Variants in RACGAP1 observed in about 807,000 individuals in gnomAD.
The protein encoded by RACGAP1 is Rac GTPase activating protein 1.
RACGAP1 carries 30 observed loss-of-function variants against 78.1 expected under a neutral mutation model. The observed-to-expected ratio is 0.38, with a 90% CI of 0.29 to 0.52. The LOEUF (loss-of-function observed/expected upper bound fraction) is 0.52. Ranked by LOEUF, RACGAP1 falls within the 20% of genes least tolerant of loss-of-function variation. RACGAP1 has a pLI of 0.82. For synonymous variants in RACGAP1, 231 were observed against 264.8 expected, an observed-to-expected ratio of 0.87 and a Z score of 1.24; for missense variants, 587 against 777.1, an observed-to-expected ratio of 0.76 and a Z score of 2.91.
chr12:50,009,512 C>G (rs1949180625), intron 2 of RACGAP1, among the ~76,000 whole-genome samples: 1 of 151,958 alleles, frequency 6.6e-6, no homozygotes, highest in South Asian at 2.1e-4. Context: ...CAGGCTCTTC[C>G]ATTTGCCTTC....
rs1214453438 is a variant in RACGAP1, at chr12:49,994,276, C to G, written c.1194G>C (p.Glu398Asp). ...GTACAGTTTTCACTCTGAGGAATTT[C>G]TCTTTCAGCTCTTTTACTGTGCGGT... The part of the protein sequence containing the change: ...GCDRTVKELK[E>D]KFLRVKTVPL... Residue 398 changes from glutamate (E) to aspartate (D), a missense_variant, in exon 12 of 17, where the codon GAG (glutamate) becomes GAC (aspartate). Coordinates refer to ENST00000312377, the MANE Select transcript of RACGAP1 (RefSeq NM_001319999.2). The G allele has an allele frequency of 6.2e-7, 1 of 1,614,196 alleles. No homozygotes were observed. Among genetic ancestry groups the G allele is most frequent in the Non-Finnish European group, 8.5e-7 (1 of 1,180,028 alleles).
intron 1 of RACGAP1, chr12:50,019,687 C>T (rs1949889910): frequency 5.3e-5 from 1 of 18,772 alleles, no homozygotes; most frequent in Non-Finnish European, 2.0e-4. Context: ...ACAAGACCCC[C>T]TTCTCTTAAA....
chr12:49,994,337 C>T lies in RACGAP1; in HGVS notation c.1141-8G>A. On this transcript the variant is annotated splice_polypyrimidine_tract_variant and splice_region_variant and intron_variant, in intron 11 of 16. Coordinates refer to ENST00000312377, the MANE Select transcript of RACGAP1 (RefSeq NM_001319999.2). ...GATCCTATACAGGCCTGTCTATTATCAAGATGACATTTTTATTTAAAAACC... is the reference window on the plus strand; with the variant it reads ...GATCCTATACAGGCCTGTCTATTATTAAGATGACATTTTTATTTAAAAACC... 2 of 1,612,932 alleles carry T rather than the reference C, an allele frequency of 1.2e-6. No homozygotes were observed. Among genetic ancestry groups the T allele is most frequent in the Non-Finnish European group, 1.7e-6 (2 of 1,179,716 alleles).
At position 49,990,232 on chromosome 12, in the gene RACGAP1, T is replaced by C. The variant is rs1947738913; in HGVS notation, c.*36A>G. On this transcript the variant is annotated 3_prime_UTR_variant, in exon 17 of 17. Transcript: ENST00000312377. The stretch of plus-strand genomic sequence containing the variant: ...AGTACAGATGTGTCCTTTCTTATAG[T>C]CAGTCAATGCTGGGAAGTAACAGGC... 1.3e-6 allele frequency: 2 copies of C among 1,554,024 alleles called. No homozygotes were observed. Among genetic ancestry groups the C allele is most frequent in the Non-Finnish European group, 1.8e-6 (2 of 1,126,472 alleles).
intron 9 of RACGAP1, among the ~76,000 whole-genome samples, chr12:49,997,572 CCTTTTTTTGT>C (rs979399203): frequency 3.3e-5 from 5 of 150,996 alleles, no homozygotes; most frequent in African/African-American, 1.2e-4. Flanking sequence ...CTGGGCCTGG[CCTTTTTTTGT>C]CTTTTTTTGA....
chr12:50,016,514 CT>C, intron 2 of RACGAP1, 116 bp downstream of exon 2: 1 of 1,108,446 alleles, frequency 9.0e-7, no homozygotes, highest in Non-Finnish European at 1.4e-6. Flanking sequence ...TCACTGCTTT[CT>C]TTTTAGGTAA....
intron 10 of RACGAP1, among the ~76,000 whole-genome samples, chr12:49,996,297 G>A (rs1403715722): frequency 6.6e-6 from 1 of 151,436 alleles, no homozygotes; most frequent in East Asian, 1.9e-4. Context: ...CTGGACAACA[G>A]GGAAACTCTG....
rs879487936 is a variant in RACGAP1 at position 50,025,389 on chromosome 12, A to C, written c.-5+9T>G. ...CAGACGCACCTGGTCTGGCACCCCC[A>C]CTACTCACTTCAGTCAGCCTGGCCC... On this transcript the variant is annotated intron_variant, in intron 1 of 16. Coordinates refer to ENST00000312377, the MANE Select transcript of RACGAP1 (RefSeq NM_001319999.2). 389 of 985,526 alleles carry C rather than the reference A, an allele frequency of 3.9e-4. No individual in the cohort carries two copies. The highest frequency in any genetic ancestry group is 4.4e-4 in the Non-Finnish European group (364 of 830,168). 61.0% of individuals were successfully genotyped at this position (985,526 alleles called of 1,614,324 possible).
intron 2 of RACGAP1, among the ~76,000 whole-genome samples, chr12:50,008,570 G>A (rs997246484): frequency 2.6e-5 from 4 of 151,848 alleles, no homozygotes; most frequent in Non-Finnish European, 4.4e-5. Context: ...TTGGCTCACC[G>A]CAACCTCCGC....
At chr12:50,012,063 C>G (rs189676633) in intron 2 of RACGAP1, among the ~76,000 whole-genome samples, 9 of 150,804 alleles carry the variant, frequency 6.0e-5, no homozygotes, top group Non-Finnish European at 1.3e-4. Context: ...AGGAGTTCAA[C>G]GCTGCAGTAA....
chr12:50,003,023 C>CA lies in RACGAP1; in HGVS notation c.496-724dup, dbSNP rs11326258. ...TGGGTGACAGAGTGAGACTCTGTCT[C>CA]AAAAAAAAAAAAAAAAAAAAAGTTC... On this transcript the variant is annotated intron_variant, in intron 5 of 16. Coordinates refer to ENST00000312377, the MANE Select transcript of RACGAP1 (RefSeq NM_001319999.2). Among the ~76,000 whole-genome samples the CA allele has an allele frequency of 9.9e-3, 626 of 63,280 alleles. 10 individuals carry two copies. The highest frequency in any genetic ancestry group is 0.019 in the Middle Eastern group (2 of 108). The allele number at this position is 63,280 out of a possible 152,430, so 41.5% of individuals were successfully genotyped here.
chr12:49,999,258 A>G lies in RACGAP1; in HGVS notation c.762T>C (p.Pro254=). 6.2e-7 allele frequency: 1 copy of G among 1,606,808 alleles called. No individual in the cohort carries two copies. The highest frequency in any genetic ancestry group is 8.5e-7 in the Non-Finnish European group (1 of 1,178,282). The part of the protein sequence containing the change: ...RSRRKTGTLQ[P]WNSDSTLNSR... ...TGTTCAGGGTGGAGTCACTGTTCCA[A>G]GGTTGTAAAGTACCTAGAAAACAAG... The change falls in exon 9 of 17, where the codon CCT becomes CCC. Residue 254 remains proline, a synonymous_variant. Coordinates refer to ENST00000312377, the MANE Select transcript of RACGAP1 (RefSeq NM_001319999.2).
upstream of RACGAP1, among the ~76,000 whole-genome samples, chr12:50,029,342 C>A (rs560397455): frequency 1.8e-4 from 27 of 151,800 alleles, no homozygotes; most frequent in African/African-American, 6.3e-4. Flanking sequence ...GCTGAGATCG[C>A]GCCACTGCAC....
At chr12:50,002,225 A>C (rs1325577617) in intron 6 of RACGAP1, 22 bp downstream of exon 6, 2 of 1,604,606 alleles carry the variant, frequency 1.2e-6, no homozygotes, top group Non-Finnish European at 1.7e-6. Context: ...TTTTAAAAAA[A>C]GACTAAACAA....
intron 9 of RACGAP1, among the ~76,000 whole-genome samples, chr12:49,998,614 A>AATGGGCC (rs1285809791): frequency 6.6e-6 from 1 of 152,076 alleles, no homozygotes; most frequent in African/African-American, 2.4e-5. Flanking sequence ...AAGTACTAAC[A>AATGGGCC]ATGGGCCAGG....
intron 7 of RACGAP1, among the ~76,000 whole-genome samples, chr12:50,000,272 C>A (rs1948590433): frequency 6.6e-6 from 1 of 152,052 alleles, no homozygotes; most frequent in African/African-American, 2.4e-5. Flanking sequence ...CTCAGCCTCC[C>A]AAAGTGCTAG....
At chr12:50,027,699 G>A (rs540198092), upstream of RACGAP1, among the ~76,000 whole-genome samples, 45 of 152,196 alleles carry the variant, frequency 3.0e-4, no homozygotes, top group African/African-American at 6.0e-4. Flanking sequence ...GGTGGCAGAC[G>A]CCTGTAATCC....
intron 10 of RACGAP1, among the ~76,000 whole-genome samples, chr12:49,996,479 C>CA (rs1173368742): frequency 3.4e-5 from 5 of 148,824 alleles, no homozygotes; most frequent in African/African-American, 1.2e-4. Context: ...AAAATACAAC[C>CA]AAAAAAAATT....
At chr12:50,010,793 G>A (rs1469907831) in intron 2 of RACGAP1, among the ~76,000 whole-genome samples, 1 of 151,762 alleles carries the variant, frequency 6.6e-6, no homozygotes, top group Non-Finnish European at 1.5e-5. Context: ...TTAGCCAGGC[G>A]TGTTGGCACA....
Sources: allele counts gnomAD v4.1 joint callset (sites outside exome capture counted in the v4.1 genomes callset), GRCh38; gene constraint gnomAD v4.1.1; transcripts MANE v1.5; gene names NCBI Gene and HGNC (gene_info 2026-07-23, HGNC 2026-07-21).